MYO15A: variants seen among roughly 807,000 people sequenced by gnomAD.
MYO15A encodes unconventional myosin-XV.
Under a neutral mutation model 394.6 loss-of-function variants are expected in MYO15A, and 308 were observed. That is an observed-to-expected ratio of 0.78 (90% CI 0.71 to 0.86). MYO15A has a LOEUF of 0.86. MYO15A is among the 40% of genes least tolerant of loss of function. The pLI, the probability that MYO15A is intolerant of heterozygous loss-of-function variation, is 0.00. For synonymous variants in MYO15A, 1,957 were observed against 2,003.8 expected (o/e 0.98, Z 0.62); for missense variants, 4,606 against 4,799.1 (o/e 0.96, Z 1.19).
At chr17:18,157,320 C>A in intron 50 of MYO15A, 90 bp downstream of exon 50, 1 of 1,522,252 alleles carries the variant, frequency 6.6e-7, no homozygotes, top group Non-Finnish European at 8.9e-7. Flanking sequence ...TTTCTTGGTG[C>A]CCGAAAGTGG....
Position 18,118,623 on chromosome 17 carries a change from C to T in MYO15A, c.-178C>T. 2.4e-6 allele frequency: 2 copies of T among 846,548 alleles called. No individual in the cohort carries two copies. The highest frequency in any genetic ancestry group is 1.7e-5 in the African/African-American group (1 of 58,396). 52.4% of individuals were successfully genotyped at this position (846,548 alleles called of 1,614,324 possible). On this transcript the variant is annotated 5_prime_UTR_variant, in exon 2 of 66. Transcript: ENST00000647165. ...CTCTAGAGGAGATGAATTATGGATC[C>T]GCCCTCCCGGAATCCTGGCTCGGCC...
intron 51 of MYO15A, chr17:18,158,289 C>T (rs1308881002): frequency 3.4e-6 from 2 of 594,166 alleles, no homozygotes; most frequent in Non-Finnish European, 6.0e-6. Context: ...GGAAGTCAAC[C>T]CCGGGCAAGG....
chr17:18,139,925 T>G (rs1215523613), intron 19 of MYO15A, among the ~76,000 whole-genome samples: 1 of 152,212 alleles, frequency 6.6e-6, no homozygotes, highest in Non-Finnish European at 1.5e-5. Flanking sequence ...TACCCCACTC[T>G]GGGCCCCACC....
chr17:18,119,356 C>T lies in MYO15A; in HGVS notation c.556C>T (p.Arg186Trp). ...SGAEILRPGG[R>W]LRRFPRSRSI... is the part of the protein sequence containing the mutation. ...TGCCGAGATCCTGCGGCCTGGGGGC[C>T]GGCTCCGGAGGTTCCCCCGCAGCCG... The change falls in exon 2 of 66, where the codon CGG becomes TGG. Residue 186 changes from arginine to tryptophan, a missense_variant. Physicochemically the swap from Arg to Trp is moderately radical, Grantham distance 101 (BLOSUM62 -3). Transcript: ENST00000647165. 6.2e-7 allele frequency: 1 copy of T among 1,609,028 alleles called. No homozygotes were observed. The highest frequency in any genetic ancestry group is 1.1e-5 in the South Asian group (1 of 91,018).
At chr17:18,168,199 A>T (rs2046883748) in intron 62 of MYO15A, among the ~76,000 whole-genome samples, 1 of 152,158 alleles carries the variant, frequency 6.6e-6, no homozygotes, top group African/African-American at 2.4e-5. Flanking sequence ...TTTTTTTAAA[A>T]ATGATATACC....
chr17:18,139,277 T>C (rs1431464237), intron 18 of MYO15A: 3 of 610,594 alleles, frequency 4.9e-6, no homozygotes, highest in East Asian at 2.9e-5. Context: ...AGGCTAGGAT[T>C]CCATGCCTCT....
Position 18,120,792 on chromosome 17 carries a change from C to T in MYO15A, c.1992C>T (p.Pro664=), listed in dbSNP as rs1567623227. 2.3e-5 allele frequency: 31 copies of T among 1,330,450 alleles called. No individual in the cohort carries two copies. Among genetic ancestry groups the T allele is most frequent in the Admixed American group, 3.8e-5 (1 of 26,308 alleles). The allele number at this position is 1,330,450 out of a possible 1,614,324, so 82.4% of individuals were successfully genotyped here. ...LSHWSALLSP[P]VPPRPPSSGP... is the part of the protein sequence containing the mutation. ...ACTGGAGCGCGCTCCTGTCTCCGCC[C>T]GTGCCCCCGCGGCCCCCAAGCTCCG... Residue 664 remains proline, a synonymous_variant, in exon 2 of 66, where the codon CCC becomes CCT. Coordinates refer to ENST00000647165, the MANE Select transcript of MYO15A (RefSeq NM_016239.4).
chr17:18,175,212 C>CCCA (rs1254049608), intron 65 of MYO15A, among the ~76,000 whole-genome samples: 1 of 151,678 alleles, frequency 6.6e-6, no homozygotes, highest in Non-Finnish European at 1.5e-5. Flanking sequence ...AGCCACTGCA[C>CCCA]CCAGCCTTCT....
At position 18,122,351 on chromosome 17, in the gene MYO15A, C is replaced by T. The variant is rs368083374; in HGVS notation, c.3551C>T (p.Ala1184Val). ...TCCTGCCACCTGGGCCCTGGAGCTG[C>T]CTGCCTGTCCCTTAGGGGCTCCTGG... ...PQSCHLGPGA[A>V]CLSLRGSWEE... The change falls in exon 2 of 66, where the codon GCC becomes GTC. Residue 1184 changes from alanine (A) to valine (V), a missense_variant. Ala to Val is a moderately conservative substitution (Grantham distance 64). Around this residue, in one of 2 missense-constraint regions of MYO15A, gnomAD observed 2,776 missense variants for 3,109.3 expected, o/e 0.89. Coordinates refer to ENST00000647165, the MANE Select transcript of MYO15A (RefSeq NM_016239.4). 6.2e-7 allele frequency: 1 copy of T among 1,612,816 alleles called. No individual in the cohort carries two copies. The highest frequency in any genetic ancestry group is 1.3e-5 in the African/African-American group (1 of 74,950).
rs188269446 is a variant in MYO15A at position 18,135,824 on chromosome 17, C to T, written c.4596C>T (p.Thr1532=). Reference sequence around the variant, plus strand: ...AGAAGGCCATCACCTTCAAAGTGACCGTGAGTCTGTGGGCATCTGGCCTTC... The same window carrying T: ...AGAAGGCCATCACCTTCAAAGTGACTGTGAGTCTGTGGGCATCTGGCCTTC... ...GLQKAITFKV[T]ETMREKIFTP... is the part of the protein sequence containing the mutation. Residue 1532 remains threonine (T), a splice_region_variant and synonymous_variant, in exon 13 of 66, where the codon ACC becomes ACT. Transcript: ENST00000647165. The T allele has an allele frequency of 1.4e-4, 232 of 1,613,198 alleles. 1 individual carries two copies. In the East Asian group the frequency reaches 1.9e-3, roughly 13 times the overall value.
In MYO15A at chr17:18,162,582, C is replaced by T. The variant is rs767609121; in HGVS notation, c.9518-3C>T. 3 of 1,613,682 alleles carry T rather than the reference C, an allele frequency of 1.9e-6. No homozygotes were observed. The highest frequency in any genetic ancestry group is 2.5e-6 in the Non-Finnish European group (3 of 1,179,870). Reference sequence around the variant, plus strand: ...GCGAGGCCTGAACTCCCTGCTTCTGCAGGGATCGCCAAGGCCTGCGAGCAG... The same window carrying T: ...GCGAGGCCTGAACTCCCTGCTTCTGTAGGGATCGCCAAGGCCTGCGAGCAG... On this transcript the variant is annotated splice_region_variant and splice_polypyrimidine_tract_variant and intron_variant, in intron 57 of 65. Coordinates refer to ENST00000647165, the MANE Select transcript of MYO15A (RefSeq NM_016239.4).
At chr17:18,131,571 C>T (rs1567635137) in intron 10 of MYO15A, 40 bp downstream of exon 10, 7 of 1,610,894 alleles carry the variant, frequency 4.3e-6, no homozygotes, top group Admixed American at 1.7e-5. Context: ...TGGGCAGGGT[C>T]GGGGTGGGAG....
In MYO15A at chr17:18,142,197, G is replaced by A. The variant is rs571036199; in HGVS notation, c.5768G>A (p.Arg1923His). ...LRGFFIKRRF[R>H]SLRHKIILLQ... ...GGCTTCTTCATTAAGCGGCGATTCC[G>A]CTCTCTGCGCCACAAGATCATCCTG... Residue 1923 changes from arginine to histidine, a missense_variant, in exon 24 of 66, where the codon CGC becomes CAC. By Grantham distance (29) the Arg-to-His change is conservative. This residue lies in a region of MYO15A where 2,776 missense variants were observed against 3,109.3 expected (regional missense o/e 0.89). Coordinates refer to ENST00000647165, the MANE Select transcript of MYO15A (RefSeq NM_016239.4). The A allele has an allele frequency of 5.9e-5, 95 of 1,613,626 alleles. 1 individual carries two copies. The highest frequency in any genetic ancestry group is 3.3e-4 in the South Asian group (30 of 91,052).
rs1219584946 is a variant in MYO15A at position 18,132,149 on chromosome 17, T to C, written c.4207-304T>C. 1.3e-5 allele frequency among the ~76,000 whole-genome samples: 2 copies of C among 152,146 alleles called. No homozygotes were observed. Among genetic ancestry groups the C allele is most frequent in the African/African-American group, 4.8e-5 (2 of 41,432 alleles). On this transcript the variant is annotated intron_variant, in intron 10 of 65. Transcript: ENST00000647165. The surrounding 1 kb of genome is among the most constrained non-coding windows in gnomAD (Gnocchi z 4.6). ...TGCACATGTGGGCTATGGACACACA[T>C]GTATGCAGGTGTGTGTGGCCGGTAC...
chr17:18,166,299 C>T, intron 60 of MYO15A, 62 bp from the exon 61 acceptor site: 1 of 1,593,678 alleles, frequency 6.3e-7, no homozygotes, highest in Non-Finnish European at 8.5e-7. Context: ...ATGCTCTGTA[C>T]AGGTGCACAC....
At position 18,149,591 on chromosome 17, in the gene MYO15A, T is replaced by A; in HGVS notation, c.7212+11T>A. The A allele has an allele frequency of 6.2e-7, 1 of 1,613,220 alleles. No homozygotes were observed. Among genetic ancestry groups the A allele is most frequent in the Non-Finnish European group, 8.5e-7 (1 of 1,179,422 alleles). On this transcript the variant is annotated intron_variant, in intron 35 of 65. Transcript: ENST00000647165. ...TCCTACGGGGATGCGGTAGGGATGG[T>A]GTGGGGTGGGTCATTTGCAGACAGC...
In MYO15A at chr17:18,150,833, C is replaced by T. The variant is rs752458676; in HGVS notation, c.7396-3C>T. 1.3e-6 allele frequency: 2 copies of T among 1,592,614 alleles called. No homozygotes were observed. The highest frequency in any genetic ancestry group is 1.7e-6 in the Non-Finnish European group (2 of 1,169,420). On this transcript the variant is annotated splice_polypyrimidine_tract_variant and splice_region_variant and intron_variant, in intron 37 of 65. Transcript: ENST00000647165. This position sits in a 1 kb window ranked among gnomAD's most constrained non-coding sequence, Gnocchi z 4.4. ...CCTGGTCACCACTGCCACCTCTCCC[C>T]AGGCCCGGGAGATGACCCTGCAGGC...
In MYO15A at chr17:18,150,479, G is replaced by C; in HGVS notation, c.7263G>C (p.Gln2421His). ...AIAYRMKGGG[Q>H]PGGGSSSGTE... Reference sequence around the variant, plus strand: ...CCTACCGCATGAAAGGGGGAGGCCAGCCCGGTGGAGGCAGCAGTAGTGGTA... The same window carrying C: ...CCTACCGCATGAAAGGGGGAGGCCACCCCGGTGGAGGCAGCAGTAGTGGTA... Residue 2421 changes from glutamine (Q) to histidine (H), a missense_variant, in exon 36 of 66, where the codon CAG becomes CAC. Around this residue, in one of 2 missense-constraint regions of MYO15A, gnomAD observed 2,776 missense variants for 3,109.3 expected, o/e 0.89. Coordinates refer to ENST00000647165, the MANE Select transcript of MYO15A (RefSeq NM_016239.4). The surrounding 1 kb of genome is among the most constrained non-coding windows in gnomAD (Gnocchi z 4.4). The C allele has an allele frequency of 1.9e-6, 3 of 1,614,184 alleles. No homozygotes were observed. The highest frequency in any genetic ancestry group is 2.5e-6 in the Non-Finnish European group (3 of 1,180,004).
rs749424179 is a variant in MYO15A at position 18,130,862 on chromosome 17, GTGTGTGTGTC to G, written c.4038+56_4038+65del. The G allele has an allele frequency of 4.6e-4, 700 of 1,510,106 alleles. 2 individuals are homozygous for G. The highest frequency in any genetic ancestry group is 5.6e-4 in the Non-Finnish European group (619 of 1,100,738). 93.5% of individuals were successfully genotyped at this position (1,510,106 alleles called of 1,614,324 possible). A position where few individuals can be genotyped will look rare whatever the true frequency, so the allele number is the denominator to read the frequency against. On this transcript the variant is annotated intron_variant, in intron 8 of 65. Transcript: ENST00000647165. Reference sequence around the variant, plus strand: ...TGTGTGTGTGTGTGTGTGTGTGTGTGTGTGTGTGTCTGTCCAGGAAAATGCGTGTGGATGT... The same window carrying G: ...TGTGTGTGTGTGTGTGTGTGTGTGTGTGTCCAGGAAAATGCGTGTGGATGT...
Sources: allele counts gnomAD v4.1 joint callset (sites outside exome capture counted in the v4.1 genomes callset), GRCh38; gene constraint gnomAD v4.1.1; regional missense constraint gnomAD v4.1.1; non-coding constraint Gnocchi (gnomAD v3.1); transcripts MANE v1.5; gene names NCBI Gene and HGNC (gene_info 2026-07-23, HGNC 2026-07-21).